The following BACH1 variants were observed in gnomAD, a reference collection of about 807,000 sequenced individuals.
The protein encoded by BACH1 is transcription regulator protein BACH1.
A neutral mutation model predicts 52.9 loss-of-function variants in BACH1; 35 were observed. The ratio of observed to expected loss-of-function variants is 0.66; its 90% CI spans 0.51 to 0.88. The LOEUF (loss-of-function observed/expected upper bound fraction) is 0.88, where lower values mean the gene tolerates loss of function less well. Among genes scored for constraint, BACH1 ranks in the 40% least tolerant of loss-of-function variants. The probability of loss-of-function intolerance (pLI) is 0.00; values close to 1 mark genes in which losing one functional copy is unlikely to be tolerated. For synonymous variants in BACH1, 321 were observed against 319.6 expected (o/e 1.00, Z -0.05); for missense variants, 808 against 872.6 (o/e 0.93, Z 0.93).
chr21:29,351,759 A>G, intron 2 of BACH1: 1 of 534,684 alleles, frequency 1.9e-6, no homozygotes, highest in South Asian at 1.4e-5. Context: ...ATGTGGAATC[A>G]AGGATGAAGT....
At chr21:29,323,930 C>T (rs549695849) in intron 2 of BACH1, among the ~76,000 whole-genome samples, 1 of 152,186 alleles carries the variant, frequency 6.6e-6, no homozygotes, top group Admixed American at 6.5e-5. Flanking sequence ...ATTTTATCCC[C>T]TGCGAAGGTT....
At chr21:29,319,045 C>G (rs535031707) in intron 1 of BACH1, among the ~76,000 whole-genome samples, 5 of 152,298 alleles carry the variant, frequency 3.3e-5, no homozygotes, top group Admixed American at 3.3e-4. Flanking sequence ...GGCCAAGATA[C>G]TTCTTACTGA....
rs528897711 is a variant in BACH1 at position 29,309,853 on chromosome 21, A to ACACTT, written c.-61+10903_-61+10907dup. Among the ~76,000 whole-genome samples, 4 of 152,158 alleles carry ACACTT rather than the reference A, an allele frequency of 2.6e-5. No homozygotes were observed. The South Asian group carries it at 6.2e-4, about 24-fold the overall frequency. The stretch of plus-strand genomic sequence containing the variant: ...TGTCCCTAATAATTCTGTGTGTTTA[A>ACACTT]CACTTCATATTTTTCAGAGGGCTTC... On this transcript the variant is annotated intron_variant, in intron 1 of 4. Coordinates refer to ENST00000286800, the MANE Select transcript of BACH1 (RefSeq NM_001186.4).
At chr21:29,351,359 C>T (rs1569026268) in intron 2 of BACH1, among the ~76,000 whole-genome samples, 3 of 152,156 alleles carry the variant, frequency 2.0e-5, no homozygotes, top group Non-Finnish European at 4.4e-5. Context: ...ATTTGGTCCA[C>T]CTCAGAAACT....
intron 2 of BACH1, chr21:29,361,428 AC>A (rs2089271152): frequency 6.6e-6 from 1 of 151,966 alleles, no homozygotes; most frequent in Non-Finnish European, 1.5e-5. Context: ...GTAGTTGTAG[AC>A]CTTGGAGTGT....
intron 2 of BACH1, 106 bp from the exon 3 acceptor site, chr21:29,325,953 A>T: frequency 8.9e-7 from 1 of 1,124,146 alleles, no homozygotes; most frequent in East Asian, 2.7e-5. Flanking sequence ...TTTTATAATT[A>T]TCACAAATAA....
chr21:29,349,132 C>T (rs1294108310), downstream of BACH1, among the ~76,000 whole-genome samples: 1 of 151,838 alleles, frequency 6.6e-6, no homozygotes, highest in Non-Finnish European at 1.5e-5. Flanking sequence ...TAGATTTAAG[C>T]AGTCCAGAAT....
At chr21:29,299,168 G>A (rs2088573745) in intron 1 of BACH1, among the ~76,000 whole-genome samples, 1 of 151,660 alleles carries the variant, frequency 6.6e-6, no homozygotes. Context: ...GACGCCGGAA[G>A]GGGCGTCCCG....
intron 3 of BACH1, 71 bp downstream of exon 3, chr21:29,327,464 C>T (rs1481527918): frequency 5.2e-6 from 8 of 1,527,740 alleles, no homozygotes; most frequent in South Asian, 1.3e-5. Context: ...GATCAGCTCC[C>T]TTTGCATCAT....
At chr21:29,319,494 G>C (rs1287199756) in intron 1 of BACH1, among the ~76,000 whole-genome samples, 1 of 151,736 alleles carries the variant, frequency 6.6e-6, no homozygotes, top group African/African-American at 2.4e-5. Flanking sequence ...AAGTGGCAAG[G>C]TGGAAAGCTA....
Position 29,326,038 on chromosome 21 carries a change from TTTTA to T in BACH1, c.235-17_235-14del. On this transcript the variant is annotated splice_polypyrimidine_tract_variant and intron_variant, in intron 2 of 4. Transcript: ENST00000286800. ...GACAGCTTTCAAATGATGTGTTTGT[TTTTA>T]TTTTGTGTATCAACAGGTGACAGTT... 1 of 1,569,658 alleles carries T rather than the reference TTTTA, an allele frequency of 6.4e-7. No individual in the cohort carries two copies.
chr21:29,357,782 T>A (rs1436146669), intron 2 of BACH1, among the ~76,000 whole-genome samples: 1 of 152,230 alleles, frequency 6.6e-6, no homozygotes, highest in East Asian at 1.9e-4. Context: ...AGTTTCATCC[T>A]GTGGGAAGGC....
chr21:29,346,908 C>T (rs368358921), downstream of BACH1, among the ~76,000 whole-genome samples: 49 of 152,074 alleles, frequency 3.2e-4, no homozygotes, highest in East Asian at 5.6e-3. Context: ...ATAAGCCTGG[C>T]GTGTTAAAGG....
chr21:29,316,847 GC>G (rs1601346625), intron 1 of BACH1, among the ~76,000 whole-genome samples: 1 of 152,212 alleles, frequency 6.6e-6, no homozygotes, highest in African/African-American at 2.4e-5. Flanking sequence ...AGAGGGATGA[GC>G]TGGCCTCTTT....
chr21:29,323,406 A>G (rs2088871869), intron 2 of BACH1, among the ~76,000 whole-genome samples: 1 of 152,168 alleles, frequency 6.6e-6, no homozygotes, highest in South Asian at 2.1e-4. Flanking sequence ...CCCTCGGCAA[A>G]CCGCTGGTGT....
intron 1 of BACH1, among the ~76,000 whole-genome samples, chr21:29,310,527 G>A (rs1489473990): frequency 6.6e-6 from 1 of 152,220 alleles, no homozygotes; most frequent in Non-Finnish European, 1.5e-5. Context: ...ATTCAAGAGA[G>A]AAGTCAAGAT....
At chr21:29,327,627 T>G (rs1483870556) in intron 3 of BACH1, among the ~76,000 whole-genome samples, 2 of 152,126 alleles carry the variant, frequency 1.3e-5, no homozygotes. Context: ...GTCAGAAGTT[T>G]GAGATCAGCC....
chr21:29,323,650 C>T (rs2088875305), intron 2 of BACH1, among the ~76,000 whole-genome samples: 1 of 152,182 alleles, frequency 6.6e-6, no homozygotes, highest in Non-Finnish European at 1.5e-5. Context: ...TAGCAACGCC[C>T]TCACTGACAC....
intron 4 of BACH1, among the ~76,000 whole-genome samples, chr21:29,340,516 A>T (rs1374432456): frequency 2.0e-5 from 3 of 152,214 alleles, no homozygotes; most frequent in Non-Finnish European, 2.9e-5. Flanking sequence ...TCTTCATAGT[A>T]TCTGTAGGTT....
Sources: gnomAD v4.1 joint callset for allele counts (sites outside exome capture counted in the v4.1 genomes callset) on GRCh38, gnomAD v4.1.1 for gene constraint, MANE v1.5 for transcripts, NCBI Gene and HGNC (gene_info 2026-07-23, HGNC 2026-07-21) for gene names.